The following TNFAIP2 variants were observed in gnomAD, a reference collection of about 807,000 sequenced individuals.
The protein encoded by TNFAIP2 is TNF alpha induced protein 2, also known as tumor necrosis factor alpha-induced protein 2.
A neutral mutation model predicts 63.5 loss-of-function variants in TNFAIP2; 47 were observed. The observed-to-expected ratio is 0.74, with a 90% CI of 0.59 to 0.94. The LOEUF (loss-of-function observed/expected upper bound fraction) is 0.94, where lower values mean the gene tolerates loss of function less well. Ranked by LOEUF, TNFAIP2 falls within the 40% of genes least tolerant of loss-of-function variation. The probability of loss-of-function intolerance (pLI) is 0.00; values close to 1 mark genes in which losing one functional copy is unlikely to be tolerated. For synonymous variants in TNFAIP2, 405 were observed against 390.2 expected, an observed-to-expected ratio of 1.04 and a Z score of -0.45; for missense variants, 787 against 850.2, an observed-to-expected ratio of 0.93 and a Z score of 0.92.
Position 103,127,010 on chromosome 14 carries a change from G to GAGCTGAAGGCGGCGCTGGAGCGCGGGC in TNFAIP2, c.247_273dup (p.Lys83_Leu91dup), listed in dbSNP as rs2087868388. 2.5e-6 allele frequency: 3 copies of GAGCTGAAGGCGGCGCTGGAGCGCGGGC among 1,200,898 alleles called. No homozygotes were observed. Among genetic ancestry groups the GAGCTGAAGGCGGCGCTGGAGCGCGGGC allele is most frequent in the Non-Finnish European group, 3.1e-6 (3 of 965,624 alleles). The allele number at this position is 1,200,898 out of a possible 1,614,324, so 74.4% of individuals were successfully genotyped here. On this transcript the variant is annotated inframe_insertion, in exon 3 of 12. Transcript: ENST00000560869. The surrounding 1 kb of genome is among the most constrained non-coding windows in gnomAD (Gnocchi z 5.1). ...ACGCGGCTTTCCCGGCGCAGTGGAG[G>GAGCTGAAGGCGGCGCTGGAGCGCGGGC]AGCTGAAGGCGGCGCTGGAGCGCGG...
At chr14:103,132,919 A>C (rs1300422020) in intron 9 of TNFAIP2, 47 bp downstream of exon 9, 2 of 1,608,944 alleles carry the variant, frequency 1.2e-6, no homozygotes, top group Non-Finnish European at 1.7e-6. Context: ...AGTTGGGGGC[A>C]GCCCGGACAC....
chr14:103,135,815 G>T lies in TNFAIP2; in HGVS notation c.*455G>T. The T allele has an allele frequency of 1.5e-6, 2 of 1,293,488 alleles. No individual in the cohort carries two copies. Among genetic ancestry groups the T allele is most frequent in the Non-Finnish European group, 2.0e-6 (2 of 991,816 alleles). 80.1% of individuals were successfully genotyped at this position (1,293,488 alleles called of 1,614,324 possible). ...ACCCATCTGCCCTCTGCAGCCCAGG[G>T]CCGCCGTGAGCGGGATTCAGCAATG... On this transcript the variant is annotated 3_prime_UTR_variant, in exon 12 of 12. Coordinates refer to ENST00000560869, the MANE Select transcript of TNFAIP2 (RefSeq NM_006291.4). The surrounding 1 kb of genome is among the most constrained non-coding windows in gnomAD (Gnocchi z 7.6).
chr14:103,128,714 G>A (rs2087911178), intron 3 of TNFAIP2, among the ~76,000 whole-genome samples: 1 of 152,174 alleles, frequency 6.6e-6, no homozygotes, highest in African/African-American at 2.4e-5. Context: ...AGGGCATAGG[G>A]GAACTGGCAC....
chr14:103,126,912 G>T, intron 2 of TNFAIP2, 93 bp from the exon 3 acceptor site: 1 of 1,395,386 alleles, frequency 7.2e-7, no homozygotes, highest in Non-Finnish European at 9.3e-7. Flanking sequence ...GGCCCTGTGC[G>T]CGTCTAGGGG....
chr14:103,132,703 C>A, intron 8 of TNFAIP2, 47 bp from the exon 9 acceptor site: 1 of 1,595,142 alleles, frequency 6.3e-7, no homozygotes. Flanking sequence ...GGCTGGCAGC[C>A]CTTCCTCTCC....
chr14:103,121,521 T>C (rs903591731), upstream of TNFAIP2, among the ~76,000 whole-genome samples: 10 of 152,388 alleles, frequency 6.6e-5, no homozygotes, highest in African/African-American at 2.4e-4. Flanking sequence ...TCCTGCCCTA[T>C]GGGCCCCATT....
At chr14:103,123,420 C>T (rs1351489797), upstream of TNFAIP2, 2 of 152,004 alleles carry the variant, frequency 1.3e-5, no homozygotes, top group African/African-American at 4.8e-5. Context: ...GCGGGGCTGA[C>T]TCTGCGACTA....
intron 3 of TNFAIP2, among the ~76,000 whole-genome samples, chr14:103,129,218 A>C (rs907652772): frequency 1.3e-5 from 2 of 152,200 alleles, no homozygotes; most frequent in Non-Finnish European, 2.9e-5. Flanking sequence ...CAAGACCTGC[A>C]GGGCTGGAGC....
chr14:103,126,218 T>G, intron 1 of TNFAIP2, 92 bp from the exon 2 acceptor site: 2 of 413,472 alleles, frequency 4.8e-6, no homozygotes, highest in Non-Finnish European at 8.8e-6. Flanking sequence ...ACAGACTGAG[T>G]GTACTCAATG....
Position 103,127,223 on chromosome 14 carries a change from C to T in TNFAIP2, c.454C>T (p.Arg152Cys). ...RPLEAPPERL[R>C]QALAVVAEQE... ...GCTGGAGGCGCCGCCCGAGCGGCTG[C>T]GCCAGGCGCTGGCCGTGGTGGCGGA... The change falls in exon 3 of 12, where the codon CGC (arginine) becomes TGC (cysteine). Residue 152 changes from arginine (R) to cysteine (C), a missense_variant. This residue lies in a region of TNFAIP2 where 258 missense variants were observed against 228.9 expected (regional missense o/e 1.13). Coordinates refer to ENST00000560869, the MANE Select transcript of TNFAIP2 (RefSeq NM_006291.4). This position sits in a 1 kb window ranked among gnomAD's most constrained non-coding sequence, Gnocchi z 5.1. 9.2e-7 allele frequency: 1 copy of T among 1,092,804 alleles called. No homozygotes were observed. Among genetic ancestry groups the T allele is most frequent in the South Asian group, 2.6e-5 (1 of 38,926 alleles). 67.7% of individuals were successfully genotyped at this position (1,092,804 alleles called of 1,614,324 possible). A position where few individuals can be genotyped will look rare whatever the true frequency, so the allele number is the denominator to read the frequency against.
rs993167889 is a variant in TNFAIP2 at position 103,135,508 on chromosome 14, G to C, written c.*148G>C. 2 of 1,492,284 alleles carry C rather than the reference G, an allele frequency of 1.3e-6. No individual in the cohort carries two copies. Among genetic ancestry groups the C allele is most frequent in the Non-Finnish European group, 1.8e-6 (2 of 1,130,366 alleles). 92.4% of individuals were successfully genotyped at this position (1,492,284 alleles called of 1,614,324 possible). On this transcript the variant is annotated 3_prime_UTR_variant, in exon 12 of 12. Transcript: ENST00000560869. This position sits in a 1 kb window ranked among gnomAD's most constrained non-coding sequence, Gnocchi z 7.6. ...TCTGCCTAGCCCTGGCGGAGGTGCAGGCCCTGTCAGCTGGAACTGGACAGA... is the reference window on the plus strand; with the variant it reads ...TCTGCCTAGCCCTGGCGGAGGTGCACGCCCTGTCAGCTGGAACTGGACAGA...
intron 1 of TNFAIP2, chr14:103,124,640 G>C (rs1403278467): frequency 6.6e-6 from 1 of 152,366 alleles, no homozygotes; most frequent in Non-Finnish European, 1.5e-5. Flanking sequence ...ACCCAGGGTG[G>C]GGCTGAGTGG....
chr14:103,133,555 T>C (rs1433583886), intron 10 of TNFAIP2, 38 bp downstream of exon 10: 1 of 1,605,800 alleles, frequency 6.2e-7, no homozygotes, highest in Non-Finnish European at 8.5e-7. Flanking sequence ...CCCTCTGAAA[T>C]GGCTGCCTCT....
At position 103,135,948 on chromosome 14, in the gene TNFAIP2, G is replaced by T; in HGVS notation, c.*588G>T. On this transcript the variant is annotated 3_prime_UTR_variant, in exon 12 of 12. Coordinates refer to ENST00000560869, the MANE Select transcript of TNFAIP2 (RefSeq NM_006291.4). The surrounding 1 kb of genome is among the most constrained non-coding windows in gnomAD (Gnocchi z 7.6). ...GCTGTGAGCACCGCCAGCATTAGACGTCACATCCAGGTGGCCCCACGGCCC... is the reference window on the plus strand; with the variant it reads ...GCTGTGAGCACCGCCAGCATTAGACTTCACATCCAGGTGGCCCCACGGCCC... 1 of 1,289,690 alleles carries T rather than the reference G, an allele frequency of 7.8e-7. No homozygotes were observed. Among genetic ancestry groups the T allele is most frequent in the Non-Finnish European group, 1.0e-6 (1 of 989,028 alleles). The allele number at this position is 1,289,690 out of a possible 1,614,324, so 79.9% of individuals were successfully genotyped here.
In TNFAIP2 at chr14:103,135,684, C is replaced by T. The variant is rs1307622999; in HGVS notation, c.*324C>T. On this transcript the variant is annotated 3_prime_UTR_variant, in exon 12 of 12. Transcript: ENST00000560869. This position sits in a 1 kb window ranked among gnomAD's most constrained non-coding sequence, Gnocchi z 7.6. ...GAGTGCAGCCAGGCTCAGGGATCCC[C>T]GGACACCTCTGTCCAGAGCCCCTCC... is the stretch of plus-strand genomic sequence containing the variant. The T allele has an allele frequency of 3.4e-5, 42 of 1,248,848 alleles. No individual in the cohort carries two copies. The highest frequency in any genetic ancestry group is 1.4e-4 in the South Asian group (9 of 65,444). The allele number at this position is 1,248,848 out of a possible 1,614,324, so 77.4% of individuals were successfully genotyped here.
rs1252686893 is a variant in TNFAIP2 at position 103,130,063 on chromosome 14, A to T, written c.1037A>T (p.Asp346Val). Residue 346 changes from aspartate to valine, a missense_variant, in exon 5 of 12, where the codon GAT (aspartate) becomes GTT (valine). Asp to Val is a radical substitution (Grantham distance 152). Transcript: ENST00000560869. ...CTAGAGGCACGGCGCTGGGCTGAGG[A>T]TGTGCCTCCCCAGAGGCTGGACGGC... Reference protein sequence around the residue: ...LELEARRWAEDVPPQRLDGHC... With the variant: ...LELEARRWAEVVPPQRLDGHC... 1 of 1,613,236 alleles carries T rather than the reference A, an allele frequency of 6.2e-7. No individual in the cohort carries two copies.
chr14:103,132,525 C>T (rs939651799), intron 8 of TNFAIP2, among the ~76,000 whole-genome samples: 6 of 152,224 alleles, frequency 3.9e-5, no homozygotes, highest in African/African-American at 9.6e-5. Context: ...GCTCCTGAGC[C>T]GCACTGGGTG....
intron 1 of TNFAIP2, among the ~76,000 whole-genome samples, chr14:103,125,862 C>T (rs1165974432): frequency 6.6e-6 from 1 of 152,174 alleles, no homozygotes; most frequent in African/African-American, 2.4e-5. Context: ...GTGTTCTAGA[C>T]CCCGGCATGT....
chr14:103,125,511 A>G (rs1019865031), intron 1 of TNFAIP2, among the ~76,000 whole-genome samples: 5 of 152,084 alleles, frequency 3.3e-5, no homozygotes, highest in African/African-American at 1.2e-4. Flanking sequence ...TGGGATGGGC[A>G]CCCAGGAAGG....
Sources: gnomAD v4.1 joint callset for allele counts (sites outside exome capture counted in the v4.1 genomes callset) on GRCh38, gnomAD v4.1.1 for gene constraint, gnomAD v4.1.1 regional missense constraint, Gnocchi (gnomAD v3.1) non-coding constraint, MANE v1.5 for transcripts, NCBI Gene and HGNC (gene_info 2026-07-23, HGNC 2026-07-21) for gene names.